DIAPH2: variants seen among roughly 807,000 people sequenced by gnomAD.
DIAPH2 encodes the protein protein diaphanous homolog 2.
Under a neutral mutation model 92.7 loss-of-function variants are expected in DIAPH2, and 35 were observed. That is an observed-to-expected ratio of 0.38 (90% CI 0.29 to 0.50). DIAPH2 has a LOEUF of 0.50. Among genes scored for constraint, DIAPH2 ranks in the 20% least tolerant of loss-of-function variants. The pLI, the probability that DIAPH2 is intolerant of heterozygous loss-of-function variation, is 0.94. For missense variants in DIAPH2, 701 were observed against 819.5 expected (o/e 0.86, Z 1.77); for synonymous variants, 301 against 280.4 (o/e 1.07, Z -0.73).
intron 22 of DIAPH2, among the ~76,000 whole-genome samples, chrX:97,153,041 G>C (rs1326244481): frequency 9.0e-6 from 1 of 111,622 alleles, no homozygotes; most frequent in East Asian, 2.8e-4. Context: ...TTTGGACATA[G>C]TTTGGCCATA....
intron 22 of DIAPH2, among the ~76,000 whole-genome samples, chrX:97,145,434 G>C (rs2067240144): frequency 1.8e-5 from 2 of 109,815 alleles, no homozygotes; most frequent in African/African-American, 6.6e-5. Context: ...GTCTCAGTAA[G>C]TATGTATTAT....
chrX:96,999,610 T>A (rs2066129831), intron 17 of DIAPH2, among the ~76,000 whole-genome samples: 1 of 111,251 alleles, frequency 9.0e-6, no homozygotes. Flanking sequence ...TTTTCTTTCA[T>A]TTTTGAATAA....
intron 26 of DIAPH2, among the ~76,000 whole-genome samples, chrX:97,468,987 A>G (rs2070538989): frequency 1.8e-5 from 2 of 112,129 alleles, no homozygotes; most frequent in African/African-American, 6.5e-5. Context: ...TGAATTATAT[A>G]GTTTTTGTTT....
chrX:97,516,270 TA>T (rs1034274481), intron 26 of DIAPH2, among the ~76,000 whole-genome samples: 3 of 106,625 alleles, frequency 2.8e-5, no homozygotes, highest in Admixed American at 1.0e-4. Flanking sequence ...AAATAATAAA[TA>T]AAAAAAAAGC....
intron 21 of DIAPH2, among the ~76,000 whole-genome samples, chrX:97,122,018 G>C (rs978348650): frequency 4.3e-4 from 48 of 111,771 alleles, no homozygotes; most frequent in African/African-American, 1.5e-3. Flanking sequence ...GTACAAGTTG[G>C]GGCTTACATA....
chrX:97,438,727 G>C lies in DIAPH2; in HGVS notation c.3241+8982G>C, dbSNP rs146716922. On this transcript the variant is annotated intron_variant, in intron 26 of 26. Coordinates refer to ENST00000324765, the MANE Select transcript of DIAPH2 (RefSeq NM_006729.5). ...TAATGAAGAATATATTTTATACCTTGAATGCTGAGATTTGAGGGAAAGAAA... is the reference window on the plus strand; with the variant it reads ...TAATGAAGAATATATTTTATACCTTCAATGCTGAGATTTGAGGGAAAGAAA... Among the ~76,000 whole-genome samples the C allele has an allele frequency of 1.3e-3, 147 of 110,460 alleles. 1 individual carries two copies. The East Asian group carries it at 0.037, about 28-fold the overall frequency.
intron 23 of DIAPH2, among the ~76,000 whole-genome samples, chrX:97,340,426 G>A (rs775111052): frequency 9.0e-6 from 1 of 111,074 alleles, no homozygotes; most frequent in African/African-American, 3.3e-5. Context: ...CAAGTGAGGA[G>A]TAACAGTAAC....
At chrX:96,793,612 A>G (rs779521562) in intron 4 of DIAPH2, 2 of 373,976 alleles carry the variant, frequency 5.3e-6, no homozygotes, top group Non-Finnish European at 1.0e-5. Context: ...TTCCCTTCTC[A>G]CTGTATCCTC....
At chrX:97,444,229 A>G (rs1227942789) in intron 26 of DIAPH2, among the ~76,000 whole-genome samples, 3 of 110,317 alleles carry the variant, frequency 2.7e-5, no homozygotes, top group Admixed American at 9.7e-5. Flanking sequence ...GGTCTGTTCT[A>G]TTGTTTGTCT....
intron 4 of DIAPH2, among the ~76,000 whole-genome samples, chrX:96,769,790 C>G (rs1406736178): frequency 2.7e-5 from 3 of 112,295 alleles, no homozygotes; most frequent in African/African-American, 9.7e-5. Flanking sequence ...TGAGCACTAA[C>G]TGAATGACTG....
intron 5 of DIAPH2, chrX:96,884,817 T>A: frequency 8.3e-7 from 1 of 1,211,345 alleles, no homozygotes; most frequent in Non-Finnish European, 1.1e-6. Context: ...TGATGCTGGA[T>A]AAAGCCCGTC....
chrX:96,799,820 A>C (rs958147594), intron 4 of DIAPH2, among the ~76,000 whole-genome samples: 2 of 109,848 alleles, frequency 1.8e-5, no homozygotes, highest in African/African-American at 3.3e-5. Context: ...AAATAAAATA[A>C]AATGAAATAA....
intron 4 of DIAPH2, among the ~76,000 whole-genome samples, chrX:96,858,090 A>C (rs1335807265): frequency 3.6e-5 from 4 of 112,473 alleles, no homozygotes; most frequent in African/African-American, 1.3e-4. Context: ...TAGAACAGTG[A>C]TAAAATATTT....
At chrX:96,713,925 T>C (rs761858265) in intron 1 of DIAPH2, among the ~76,000 whole-genome samples, 1 of 112,107 alleles carries the variant, frequency 8.9e-6, no homozygotes, top group Non-Finnish European at 1.9e-5. Flanking sequence ...ACAGCAATTA[T>C]GAATAAAGCT....
chrX:97,427,774 G>A (rs935447457), intron 25 of DIAPH2, among the ~76,000 whole-genome samples: 2 of 110,484 alleles, frequency 1.8e-5, no homozygotes, highest in African/African-American at 3.3e-5. Flanking sequence ...TCTGGCTCCC[G>A]GGTTCAAGTT....
rs557110385 is a variant in DIAPH2 at position 96,911,631 on chromosome X, A to G, written c.588-697A>G. Among the ~76,000 whole-genome samples, 9 of 111,449 alleles carry G rather than the reference A, an allele frequency of 8.1e-5. No individual in the cohort carries two copies. The South Asian group carries it at 3.4e-3, about 42-fold the overall frequency. On this transcript the variant is annotated intron_variant, in intron 5 of 26. Transcript: ENST00000324765. ...TTCTGCTGAAATACCTAACCTTATC[A>G]AAGAATCTTTCCTGATCACACAATG...
At position 97,279,720 on chromosome X, in the gene DIAPH2, C is replaced by A. The variant is rs141910585; in HGVS notation, c.2844+31881C>A. ...GATGGGGTTGCTCCCCCTTACCACACCAGATTTAAGAGGATAGTGAATATT... is the reference window on the plus strand; with the variant it reads ...GATGGGGTTGCTCCCCCTTACCACAACAGATTTAAGAGGATAGTGAATATT... On this transcript the variant is annotated intron_variant, in intron 23 of 26. Coordinates refer to ENST00000324765, the MANE Select transcript of DIAPH2 (RefSeq NM_006729.5). Among the ~76,000 whole-genome samples, 1,077 of 111,607 alleles carry A rather than the reference C, an allele frequency of 9.6e-3. 12 individuals are homozygous for A. The highest frequency in any genetic ancestry group is 0.034 in the African/African-American group (1,035 of 30,742).
At chrX:97,389,266 A>T (rs183543967) in intron 25 of DIAPH2, among the ~76,000 whole-genome samples, 3,648 of 109,138 alleles carry the variant, frequency 0.033, 66 homozygotes, top group Admixed American at 0.045. Context: ...CAGGAGTTCA[A>T]GACCAGCCTG....
intron 22 of DIAPH2, among the ~76,000 whole-genome samples, chrX:97,173,940 T>C (rs2067472616): frequency 9.4e-6 from 1 of 106,702 alleles, no homozygotes; most frequent in Non-Finnish European, 1.9e-5. Flanking sequence ...AGGAGTTAAA[T>C]AGAATAGTAT....
Sources: gnomAD v4.1 joint callset for allele counts (sites outside exome capture counted in the v4.1 genomes callset) on GRCh38, gnomAD v4.1.1 for gene constraint, MANE v1.5 for transcripts, NCBI Gene and HGNC (gene_info 2026-07-23, HGNC 2026-07-21) for gene names.